The following KCNQ5 variants were observed in gnomAD, a reference collection of about 807,000 sequenced individuals.
The protein encoded by KCNQ5 is potassium voltage-gated channel subfamily Q member 5.
A neutral mutation model predicts 98.2 loss-of-function variants in KCNQ5; 30 were observed. The observed-to-expected ratio is 0.31, with a 90% confidence interval of 0.23 to 0.41. KCNQ5 has a LOEUF of 0.41. Ranked by LOEUF, KCNQ5 falls within the 10% of genes least tolerant of loss-of-function variation. The pLI is 1.00. For synonymous variants in KCNQ5, 458 were observed against 449.4 expected (o/e 1.02, Z -0.24); for missense variants, 835 against 1,182.5 (o/e 0.71, Z 4.31).
At chr6:72,793,564 G>A (rs1774172246) in intron 1 of KCNQ5, among the ~76,000 whole-genome samples, 1 of 152,112 alleles carries the variant, frequency 6.6e-6, no homozygotes, top group African/African-American at 2.4e-5. Flanking sequence ...GGGGGAGTTG[G>A]CATTTTGTAT....
chr6:72,719,945 T>G (rs75745103), intron 1 of KCNQ5, among the ~76,000 whole-genome samples: 1,760 of 152,320 alleles, frequency 0.012, 29 homozygotes, highest in African/African-American at 0.039. Context: ...AATCTCATAT[T>G]TCCCTTCATC....
Position 72,649,979 on chromosome 6 carries a change from G to A in KCNQ5, c.398+27392G>A, listed in dbSNP as rs1267137300. Among the ~76,000 whole-genome samples the A allele has an allele frequency of 2.6e-5, 4 of 152,150 alleles. No homozygotes were observed. In the South Asian group the frequency reaches 8.3e-4, roughly 32 times the overall value. On this transcript the variant is annotated intron_variant, in intron 1 of 13. Coordinates refer to ENST00000370398, the MANE Select transcript of KCNQ5 (RefSeq NM_019842.4). ...AACAGTCTCTCATTGCAAGTGCTAT[G>A]TTTTTTCTGACCATTACATATTTTT...
At chr6:73,185,041 C>T (rs1189711906) in intron 11 of KCNQ5, among the ~76,000 whole-genome samples, 3 of 152,196 alleles carry the variant, frequency 2.0e-5, no homozygotes, top group Non-Finnish European at 4.4e-5. Flanking sequence ...ATAATCCCTG[C>T]ATTCAAGGTT....
In KCNQ5 at chr6:73,194,826, T is replaced by A; in HGVS notation, c.2211T>A (p.Asn737Lys). 1.2e-6 allele frequency: 2 copies of A among 1,614,046 alleles called. No homozygotes were observed. Among genetic ancestry groups the A allele is most frequent in the Non-Finnish European group, 1.7e-6 (2 of 1,180,018 alleles). Reference protein sequence around the residue: ...AATNTIANQINTAPKPAAPTT... With the variant: ...AATNTIANQIKTAPKPAAPTT... ...CCAACACCATTGCAAACCAAATAAA[T>A]ACGGCACCCAAGCCAGCAGCCCCAA... is the stretch of plus-strand genomic sequence containing the variant. Residue 737 changes from asparagine (N) to lysine (K), a missense_variant, in exon 14 of 14, where the codon AAT (asparagine) becomes AAA (lysine). Physicochemically the swap from Asn to Lys is moderately conservative, Grantham distance 94. Transcript: ENST00000370398.
chr6:72,705,599 T>G (rs12523918), intron 1 of KCNQ5, among the ~76,000 whole-genome samples: 28,589 of 151,292 alleles, frequency 0.19, 2,979 homozygotes, highest in Middle Eastern at 0.27. Context: ...TGTTTTTTTT[T>G]TTGTTGTTGT....
intron 1 of KCNQ5, among the ~76,000 whole-genome samples, chr6:72,955,419 A>G (rs893510691): frequency 6.6e-6 from 1 of 152,178 alleles, no homozygotes; most frequent in African/African-American, 2.4e-5. Flanking sequence ...ACTTTGATAT[A>G]TTTCATCTCT....
At chr6:72,821,664 T>C (rs1775759276) in intron 1 of KCNQ5, among the ~76,000 whole-genome samples, 4 of 152,122 alleles carry the variant, frequency 2.6e-5, no homozygotes, top group African/African-American at 9.6e-5. Context: ...CTACTTCTGG[T>C]AATTTCTGAC....
intron 1 of KCNQ5, among the ~76,000 whole-genome samples, chr6:72,749,559 G>T (rs890193328): frequency 6.6e-6 from 1 of 152,030 alleles, no homozygotes; most frequent in African/African-American, 2.4e-5. Flanking sequence ...CCAAAGGGAA[G>T]GATTTGAACT....
chr6:73,055,105 C>T, intron 3 of KCNQ5: 2 of 739,628 alleles, frequency 2.7e-6, no homozygotes, highest in South Asian at 1.4e-5. Context: ...CCATGGCCAC[C>T]TACAAACTGG....
chr6:72,831,582 G>T (rs1050409138), intron 1 of KCNQ5, among the ~76,000 whole-genome samples: 2 of 148,386 alleles, frequency 1.3e-5, no homozygotes, highest in African/African-American at 2.5e-5. Context: ...CCTGTCGTGG[G>T]ATGCAGGGAG....
At chr6:72,659,443 A>T (rs1766394005) in intron 1 of KCNQ5, among the ~76,000 whole-genome samples, 1 of 152,246 alleles carries the variant, frequency 6.6e-6, no homozygotes, top group Non-Finnish European at 1.5e-5. Flanking sequence ...TCATAACAAA[A>T]TACCATAGAC....
At chr6:73,191,962 T>C (rs1213148802) in intron 12 of KCNQ5, among the ~76,000 whole-genome samples, 1 of 152,238 alleles carries the variant, frequency 6.6e-6, no homozygotes, top group Non-Finnish European at 1.5e-5. Flanking sequence ...CTGTAACATC[T>C]GTAACATGAC....
At position 73,037,787 on chromosome 6, in the gene KCNQ5, C is replaced by A. The variant is rs1771507042; in HGVS notation, c.490-4149C>A. Among the ~76,000 whole-genome samples, 7 of 152,238 alleles carry A rather than the reference C, an allele frequency of 4.6e-5. No homozygotes were observed. The South Asian group carries it at 1.5e-3, about 32-fold the overall frequency. On this transcript the variant is annotated intron_variant, in intron 2 of 13. Coordinates refer to ENST00000370398, the MANE Select transcript of KCNQ5 (RefSeq NM_019842.4). ...TGATTACTGGAGCTATAATAGTAGG[C>A]TTTAATATCAGGTAAAGTGATTGAT...
chr6:72,834,686 T>G (rs1776426547), intron 1 of KCNQ5, among the ~76,000 whole-genome samples: 1 of 152,146 alleles, frequency 6.6e-6, no homozygotes, highest in South Asian at 2.1e-4. Flanking sequence ...CCTTCCTTCT[T>G]TTACGTGGAA....
At chr6:72,931,078 T>G (rs1353363429) in intron 1 of KCNQ5, among the ~76,000 whole-genome samples, 1 of 152,190 alleles carries the variant, frequency 6.6e-6, no homozygotes, top group Non-Finnish European at 1.5e-5. Flanking sequence ...TAATTAGATA[T>G]TTGTCTGGTC....
At chr6:73,113,140 T>C (rs1189054074) in intron 7 of KCNQ5, among the ~76,000 whole-genome samples, 5 of 152,210 alleles carry the variant, frequency 3.3e-5, no homozygotes, top group Non-Finnish European at 7.4e-5. Context: ...CCAGAATTCA[T>C]AGGCTTTCAT....
chr6:72,826,382 A>G (rs567233198), intron 1 of KCNQ5, among the ~76,000 whole-genome samples: 27 of 152,268 alleles, frequency 1.8e-4, no homozygotes, highest in Admixed American at 1.4e-3. Context: ...GTGTCTTTCT[A>G]TCAGTCTTTC....
intron 1 of KCNQ5, among the ~76,000 whole-genome samples, chr6:72,756,031 A>G (rs1430294254): frequency 1.3e-5 from 2 of 152,160 alleles, no homozygotes; most frequent in African/African-American, 4.8e-5. Context: ...GTTTATAAAT[A>G]AGTGTGGGCT....
chr6:72,945,569 CT>C lies in KCNQ5; in HGVS notation c.399-58338del, dbSNP rs774942682. 1.3e-5 allele frequency among the ~76,000 whole-genome samples: 2 copies of C among 151,838 alleles called. 1 individual carries two copies. ...TCCTGGGTTCAAGTGGTTCTCCTGC[CT>C]CAGCCTTCTGAGTAGCTGGGACTAC... On this transcript the variant is annotated intron_variant, in intron 1 of 13. Transcript: ENST00000370398.
Sources: allele counts gnomAD v4.1 joint callset (sites outside exome capture counted in the v4.1 genomes callset), GRCh38; gene constraint gnomAD v4.1.1; transcripts MANE v1.5; gene names NCBI Gene and HGNC (gene_info 2026-07-23, HGNC 2026-07-21).